The following FSTL4 variants were observed in gnomAD, a reference collection of about 807,000 sequenced individuals.
The protein encoded by FSTL4 is follistatin like 4, also known as follistatin-related protein 4.
FSTL4 carries 28 observed loss-of-function variants against 78.2 expected under a neutral mutation model. The ratio of observed to expected loss-of-function variants is 0.36; its 90% CI spans 0.27 to 0.49. FSTL4 has a LOEUF of 0.49. FSTL4 is among the 20% of genes least tolerant of loss of function. FSTL4 has a pLI of 0.98. For missense variants in FSTL4, 922 were observed against 1,084.9 expected (o/e 0.85, Z 2.11); for synonymous variants, 422 against 440.5 (o/e 0.96, Z 0.53).
chr5:133,550,564 C>T (rs368938107), intron 3 of FSTL4, among the ~76,000 whole-genome samples: 3 of 152,208 alleles, frequency 2.0e-5, no homozygotes, highest in East Asian at 3.8e-4. Flanking sequence ...CAGTGCTATG[C>T]TAAGCTTTTT....
At chr5:133,674,448 C>A in the FSTL4 span, among the ~76,000 whole-genome samples, 1 of 151,842 alleles carries the variant, frequency 6.6e-6, no homozygotes, top group Non-Finnish European at 1.5e-5. Flanking sequence ...CACAAAGTAA[C>A]CAAAAGAGAA....
the FSTL4 span, among the ~76,000 whole-genome samples, chr5:133,783,513 G>A: frequency 6.6e-6 from 1 of 152,274 alleles, no homozygotes; most frequent in Admixed American, 6.5e-5. Context: ...GGCCTCACAT[G>A]TCCTCCTGCT....
At chr5:133,653,421 G>A in the FSTL4 span, among the ~76,000 whole-genome samples, 2 of 152,166 alleles carry the variant, frequency 1.3e-5, no homozygotes, top group Non-Finnish European at 2.9e-5. Context: ...GTCACAAAGA[G>A]GCGCCCCGTG....
At chr5:133,519,735 C>T (rs1318820751) in intron 3 of FSTL4, among the ~76,000 whole-genome samples, 3 of 152,202 alleles carry the variant, frequency 2.0e-5, no homozygotes, top group Non-Finnish European at 4.4e-5. Flanking sequence ...ACCATTTCTG[C>T]CCTAAGAGGC....
chr5:133,734,877 A>G, the FSTL4 span, among the ~76,000 whole-genome samples: 27 of 152,028 alleles, frequency 1.8e-4, no homozygotes, highest in African/African-American at 6.0e-4. Context: ...TTTTCCCTCC[A>G]ACTCCTTTGC....
the FSTL4 span, among the ~76,000 whole-genome samples, chr5:133,776,461 C>A: frequency 6.6e-6 from 1 of 152,184 alleles, no homozygotes; most frequent in Non-Finnish European, 1.5e-5. Context: ...CAGGGTACAA[C>A]AATCATCTCT....
intron 7 of FSTL4, among the ~76,000 whole-genome samples, chr5:133,233,792 G>C (rs890544149): frequency 6.6e-6 from 1 of 152,134 alleles, no homozygotes; most frequent in Non-Finnish European, 1.5e-5. Flanking sequence ...ACGAGGCCCG[G>C]TTTGAACACA....
At chr5:133,682,521 T>G in the FSTL4 span, among the ~76,000 whole-genome samples, 1 of 152,222 alleles carries the variant, frequency 6.6e-6, no homozygotes, top group Non-Finnish European at 1.5e-5. Flanking sequence ...AGGAAAAGTC[T>G]TTAAGGAAAT....
At chr5:133,210,916 G>A (rs148203955) in intron 13 of FSTL4, 50 of 152,346 alleles carry the variant, frequency 3.3e-4, no homozygotes, top group African/African-American at 1.1e-3. Context: ...ACCAGCTCCA[G>A]GGTTCCTTCG....
At chr5:133,507,106 G>A (rs968169536) in intron 3 of FSTL4, among the ~76,000 whole-genome samples, 2 of 152,150 alleles carry the variant, frequency 1.3e-5, no homozygotes, top group African/African-American at 4.8e-5. Context: ...TGCTTGGGAG[G>A]CTAAGGCAGG....
the FSTL4 span, among the ~76,000 whole-genome samples, chr5:133,637,878 G>C: frequency 1.1e-4 from 16 of 150,988 alleles, no homozygotes; most frequent in African/African-American, 2.9e-4. Context: ...GACTTAATGG[G>C]CTCCAGTCAC....
chr5:133,787,455 G>A, the FSTL4 span, among the ~76,000 whole-genome samples: 1 of 152,204 alleles, frequency 6.6e-6, no homozygotes, highest in Non-Finnish European at 1.5e-5. Flanking sequence ...AGGGTTGTTG[G>A]GGGTCAGAGG....
intron 14 of FSTL4, among the ~76,000 whole-genome samples, chr5:133,208,083 ATTTTAC>A (rs998232767): frequency 1.3e-5 from 2 of 151,978 alleles, no homozygotes; most frequent in South Asian, 4.1e-4. Context: ...CTCCTCATCC[ATTTTAC>A]TTTTAATTTT....
intron 6 of FSTL4, among the ~76,000 whole-genome samples, chr5:133,310,977 T>C (rs1753764967): frequency 6.6e-6 from 1 of 152,182 alleles, no homozygotes; most frequent in African/African-American, 2.4e-5. Context: ...GAGAGGGTCT[T>C]GTCCAGTGAC....
intron 11 of FSTL4, among the ~76,000 whole-genome samples, chr5:133,221,222 C>T (rs1042135949): frequency 6.6e-6 from 1 of 152,326 alleles, no homozygotes; most frequent in Middle Eastern, 3.4e-3. Flanking sequence ...ATACTAGTCA[C>T]ATCAGGATGG....
intron 6 of FSTL4, among the ~76,000 whole-genome samples, chr5:133,284,848 G>A (rs1325667419): frequency 6.6e-6 from 1 of 152,184 alleles, no homozygotes; most frequent in Non-Finnish European, 1.5e-5. Context: ...TTTGCTTGGA[G>A]GAAGTCCTGG....
At position 133,320,128 on chromosome 5, in the gene FSTL4, G is replaced by C. The variant is rs555544168; in HGVS notation, c.410-3476C>G. The stretch of plus-strand genomic sequence containing the variant: ...ATTCCACAGGGCTTGAGGTGGAGTG[G>C]GGGAGGGAAAACTTCCTTCCTTGCC... On this transcript the variant is annotated intron_variant, in intron 4 of 15. Transcript: ENST00000265342. 2.6e-4 allele frequency among the ~76,000 whole-genome samples: 39 copies of C among 152,272 alleles called. 1 individual carries two copies. The South Asian group carries it at 7.9e-3, about 31-fold the overall frequency.
the FSTL4 span, among the ~76,000 whole-genome samples, chr5:133,710,084 G>A: frequency 6.6e-6 from 1 of 152,228 alleles, no homozygotes; most frequent in Non-Finnish European, 1.5e-5. Flanking sequence ...TCAGGGAGGA[G>A]TGCCATGAGG....
At chr5:133,700,631 C>T in the FSTL4 span, among the ~76,000 whole-genome samples, 2 of 152,240 alleles carry the variant, frequency 1.3e-5, no homozygotes, top group Admixed American at 6.5e-5. Context: ...ATACCCAAAC[C>T]TACTGCAAAC....
Sources: allele counts gnomAD v4.1 joint callset (sites outside exome capture counted in the v4.1 genomes callset), GRCh38; gene constraint gnomAD v4.1.1; transcripts MANE v1.5; gene names NCBI Gene and HGNC (gene_info 2026-07-23, HGNC 2026-07-21).